GCSAML: variants seen among roughly 807,000 people sequenced by gnomAD.
GCSAML encodes the protein germinal center-associated signaling and motility-like protein.
Under a neutral mutation model 13.0 loss-of-function variants are expected in GCSAML, and 9 were observed. The ratio of observed to expected loss-of-function variants is 0.69; its 90% CI spans 0.42 to 1.21. The LOEUF (loss-of-function observed/expected upper bound fraction) is 1.21. Among genes scored for constraint, GCSAML ranks in the 50% most tolerant of loss-of-function variants. GCSAML has a pLI of 0.00. For missense variants in GCSAML, 143 were observed against 153.4 expected (o/e 0.93, Z 0.36); for synonymous variants, 37 against 52.9 (o/e 0.70, Z 1.31).
chr1:247,532,381 C>A, intron 2 of GCSAML: 1 of 1,614,082 alleles, frequency 6.2e-7, no homozygotes, highest in Non-Finnish European at 8.5e-7. Context: ...AATGATGATG[C>A]CATTGCCCAA....
Position 247,527,998 on chromosome 1 carries a change from CT to C in GCSAML, c.-148+947del, listed in dbSNP as rs1666750060. 6.6e-6 allele frequency: 1 copy of C among 151,910 alleles called. No individual in the cohort carries two copies. Among genetic ancestry groups the C allele is most frequent in the Non-Finnish European group, 1.5e-5 (1 of 67,984 alleles). 9.4% of individuals were successfully genotyped at this position (151,910 alleles called of 1,614,324 possible). A position where few individuals can be genotyped will look rare whatever the true frequency, so the allele number is the denominator to read the frequency against. On this transcript the variant is annotated intron_variant, in intron 2 of 5. Coordinates refer to the GCSAML transcript ENST00000366489. The surrounding 1 kb of genome is among the most constrained non-coding windows in gnomAD (Gnocchi z 4.6). Reference sequence around the variant, plus strand: ...ATGAATGAGAACATGCAGTATTTAACTTTCTCAAAAATTTTATCTAATACTT... The same window carrying C: ...ATGAATGAGAACATGCAGTATTTAACTTCTCAAAAATTTTATCTAATACTT...
chr1:247,532,679 T>G, intron 2 of GCSAML: 1 of 673,308 alleles, frequency 1.5e-6, no homozygotes. Context: ...CCGGGCTAAC[T>G]TCAAACTCTT....
chr1:247,562,328 C>T (rs150701718), intron 2 of GCSAML, among the ~76,000 whole-genome samples: 3,006 of 152,144 alleles, frequency 0.02, 100 homozygotes, highest in Admixed American at 0.082. Context: ...CAGTCCTCAG[C>T]GCGCCCGTGC....
chr1:247,512,422 A>G (rs1209348198), intron 1 of GCSAML, among the ~76,000 whole-genome samples: 1 of 151,818 alleles, frequency 6.6e-6, no homozygotes, highest in African/African-American at 2.4e-5. Flanking sequence ...CCTTTTTTCA[A>G]GGTTCTTAGC....
chr1:247,513,189 C>T (rs1666101499), intron 1 of GCSAML, among the ~76,000 whole-genome samples: 2 of 152,228 alleles, frequency 1.3e-5, no homozygotes, highest in African/African-American at 4.8e-5. Flanking sequence ...TGTTGCCTTT[C>T]TTTCAGAGAT....
chr1:247,512,170 C>T lies in GCSAML; in HGVS notation c.-263+4937C>T, dbSNP rs10802519. On this transcript the variant is annotated intron_variant, in intron 1 of 5. Coordinates refer to the GCSAML transcript ENST00000366489. ...ATCAAATGTAGGTTTGGTCTTTTTA[C>T]GTAGTCCCATATTTCTTGGAGGCTT... 4.0e-5 allele frequency among the ~76,000 whole-genome samples: 6 copies of T among 151,694 alleles called. 1 individual carries two copies. The highest frequency in any genetic ancestry group is 2.0e-4 in the Admixed American group (3 of 15,240).
upstream of GCSAML, among the ~76,000 whole-genome samples, chr1:247,545,680 T>C (rs917842635): frequency 2.0e-5 from 3 of 152,234 alleles, no homozygotes; most frequent in Admixed American, 6.5e-5. Flanking sequence ...ATGTCTTCTT[T>C]GGAGAGGTGT....
chr1:247,522,203 G>A (rs1666462731), intron 1 of GCSAML, among the ~76,000 whole-genome samples: 1 of 150,724 alleles, frequency 6.6e-6, no homozygotes, highest in Non-Finnish European at 1.5e-5. Flanking sequence ...TGTCTGGGAG[G>A]TGGGGGGCAG....
chr1:247,565,398 G>A (rs1226200995), intron 3 of GCSAML, among the ~76,000 whole-genome samples: 2 of 151,712 alleles, frequency 1.3e-5, no homozygotes, highest in South Asian at 2.1e-4. Context: ...AGATTCACAC[G>A]TATGTAAATT....
At chr1:247,572,654 G>A (rs759942419) in intron 4 of GCSAML, among the ~76,000 whole-genome samples, 38 of 152,216 alleles carry the variant, frequency 2.5e-4, no homozygotes, top group Non-Finnish European at 4.3e-4. Flanking sequence ...CTGTTGGGAG[G>A]TGTTTCCTTG....
chr1:247,528,244 T>C (rs866115680), intron 2 of GCSAML: 54 of 151,996 alleles, frequency 3.6e-4, no homozygotes, highest in African/African-American at 1.0e-3. Context: ...TTCATTTTAG[T>C]TTGTTTTTAA....
rs1240058613 is a variant in GCSAML, at chr1:247,576,217, A to C, written c.*1835A>C. 2 of 152,206 alleles carry C rather than the reference A, an allele frequency of 1.3e-5. No individual in the cohort carries two copies. The highest frequency in any genetic ancestry group is 2.9e-5 in the Non-Finnish European group (2 of 68,030). The allele number at this position is 152,206 out of a possible 1,614,324, so 9.4% of individuals were successfully genotyped here. A position where few individuals can be genotyped will look rare whatever the true frequency, so the allele number is the denominator to read the frequency against. Reference sequence around the variant, plus strand: ...TGCGCACATTGGACCATCAGAAAGCAGAAGTGTCACTATTTCAAGTCAGTG... The same window carrying C: ...TGCGCACATTGGACCATCAGAAAGCCGAAGTGTCACTATTTCAAGTCAGTG... On this transcript the variant is annotated 3_prime_UTR_variant, in exon 5 of 5. Coordinates refer to ENST00000366488, the MANE Select transcript of GCSAML (RefSeq NM_145278.5).
At chr1:247,560,597 T>C (rs1316558705) in intron 2 of GCSAML, among the ~76,000 whole-genome samples, 1 of 152,210 alleles carries the variant, frequency 6.6e-6, no homozygotes, top group Admixed American at 6.5e-5. Context: ...TTTTAATTTT[T>C]TTTCTCACCT....
intron 4 of GCSAML, among the ~76,000 whole-genome samples, chr1:247,567,340 C>T (rs1446396233): frequency 6.6e-6 from 1 of 151,918 alleles, no homozygotes; most frequent in Non-Finnish European, 1.5e-5. Flanking sequence ...CCCCCACACC[C>T]CAACAGGCCC....
At chr1:247,562,381 G>T (rs1239357801) in intron 2 of GCSAML, among the ~76,000 whole-genome samples, 1 of 152,128 alleles carries the variant, frequency 6.6e-6, no homozygotes, top group Non-Finnish European at 1.5e-5. Context: ...GGAGGTCCAG[G>T]TTTCCTCCTG....
chr1:247,531,933 G>T (rs781752495), intron 2 of GCSAML: 1 of 1,614,008 alleles, frequency 6.2e-7, no homozygotes, highest in Non-Finnish European at 8.5e-7. Flanking sequence ...CATTGAGGCT[G>T]GTATCCACAC....
At chr1:247,532,079 G>A (rs376164441) in intron 2 of GCSAML, 54 of 1,613,966 alleles carry the variant, frequency 3.3e-5, no homozygotes, top group Non-Finnish European at 4.5e-5. Flanking sequence ...GCCAAAGCTA[G>A]CCCAAGGCAA....
intron 1 of GCSAML, among the ~76,000 whole-genome samples, chr1:247,510,968 A>C (rs1385278862): frequency 6.6e-6 from 1 of 152,188 alleles, no homozygotes; most frequent in Non-Finnish European, 1.5e-5. Flanking sequence ...AAAAATGTAT[A>C]TTCTGTTGAT....
chr1:247,541,627 G>A (rs1330175943), intron 2 of GCSAML, among the ~76,000 whole-genome samples: 2 of 152,032 alleles, frequency 1.3e-5, no homozygotes, highest in African/African-American at 2.4e-5. Context: ...CCTGAAACCC[G>A]GCTGCTTCTT....
Sources: gnomAD v4.1 joint callset for allele counts (sites outside exome capture counted in the v4.1 genomes callset) on GRCh38, gnomAD v4.1.1 for gene constraint, Gnocchi (gnomAD v3.1) non-coding constraint, MANE v1.5 for transcripts, NCBI Gene and HGNC (gene_info 2026-07-23, HGNC 2026-07-21) for gene names.